TPST1: variants seen among roughly 807,000 people sequenced by gnomAD.
The protein encoded by TPST1 is tyrosylprotein sulfotransferase 1.
A neutral mutation model predicts 34.8 loss-of-function variants in TPST1; 20 were observed. That is an observed-to-expected ratio of 0.57 (90% CI 0.40 to 0.84). The LOEUF is 0.84. Among genes scored for constraint, TPST1 ranks in the 40% least tolerant of loss-of-function variants. The probability of loss-of-function intolerance (pLI) is 0.00; values close to 1 mark genes in which losing one functional copy is unlikely to be tolerated. For synonymous variants in TPST1, 152 were observed against 159.4 expected (o/e 0.95, Z 0.35); for missense variants, 353 against 455.5 (o/e 0.78, Z 2.05).
chr7:66,308,462 C>CTT (rs927282129), intron 3 of TPST1, among the ~76,000 whole-genome samples: 1 of 152,166 alleles, frequency 6.6e-6, no homozygotes, highest in Non-Finnish European at 1.5e-5. Flanking sequence ...TGAGGTATGG[C>CTT]TTTAGTATGC....
intron 1 of TPST1, among the ~76,000 whole-genome samples, chr7:66,233,823 C>T (rs1174516151): frequency 1.3e-5 from 2 of 152,152 alleles, no homozygotes; most frequent in East Asian, 1.9e-4. Context: ...CCCACTTTCC[C>T]TCTTGGTCAC....
At chr7:66,310,784 T>C (rs1035703126) in intron 3 of TPST1, among the ~76,000 whole-genome samples, 1 of 151,708 alleles carries the variant, frequency 6.6e-6, no homozygotes, top group Non-Finnish European at 1.5e-5. Flanking sequence ...ACTTTATTTC[T>C]TGTGCCTAAA....
intron 3 of TPST1, among the ~76,000 whole-genome samples, chr7:66,293,977 T>G (rs1791140699): frequency 6.6e-6 from 1 of 152,196 alleles, no homozygotes; most frequent in Non-Finnish European, 1.5e-5. Flanking sequence ...ACCAGTTGAG[T>G]CTATTTCAAA....
At chr7:66,358,177 CAGAG>C (rs1278297046) in intron 5 of TPST1, among the ~76,000 whole-genome samples, 11 of 151,794 alleles carry the variant, frequency 7.2e-5, no homozygotes, top group Admixed American at 4.6e-4. Context: ...AGCCAGGAGG[CAGAG>C]AGGTTGCAGT....
At chr7:66,214,819 A>G (rs1789354132) in intron 1 of TPST1, among the ~76,000 whole-genome samples, 1 of 149,716 alleles carries the variant, frequency 6.7e-6, no homozygotes, top group Non-Finnish European at 1.5e-5. Context: ...AAAAGCCACC[A>G]ACAAAAATAT....
chr7:66,200,723 G>T (rs1289616949), upstream of TPST1, among the ~76,000 whole-genome samples: 1 of 151,548 alleles, frequency 6.6e-6, no homozygotes, highest in African/African-American at 2.4e-5. Context: ...CCCGACCGAG[G>T]TTATCTTTTT....
At chr7:66,341,987 T>TA (rs1054226051) in intron 3 of TPST1, among the ~76,000 whole-genome samples, 6 of 152,014 alleles carry the variant, frequency 3.9e-5, no homozygotes, top group Non-Finnish European at 5.9e-5. Flanking sequence ...AGAGATGACT[T>TA]AGAGAGAAAA....
chr7:66,211,905 G>T (rs756120561), intron 1 of TPST1, among the ~76,000 whole-genome samples: 1 of 152,142 alleles, frequency 6.6e-6, no homozygotes, highest in Non-Finnish European at 1.5e-5. Flanking sequence ...GGCGGAGGTC[G>T]CAGTGAGCCA....
At chr7:66,212,506 C>T (rs1789284962) in intron 1 of TPST1, among the ~76,000 whole-genome samples, 1 of 149,852 alleles carries the variant, frequency 6.7e-6, no homozygotes, top group Admixed American at 6.7e-5. Context: ...GTCGCCCAGG[C>T]TGGAGTGCAA....
rs766470074 is a variant in TPST1, at chr7:66,240,927, A to T, written c.502A>T (p.Thr168Ser). The change falls in exon 2 of 6, where the codon ACT (threonine) becomes TCT (serine). Residue 168 changes from threonine to serine, a missense_variant. Coordinates refer to ENST00000304842, the MANE Select transcript of TPST1 (RefSeq NM_003596.4). ...NKDPFALKSL[T>S]YLSRLFPNAK... ...AGATCCTTTTGCCCTGAAATCTTTA[A>T]CTTACCTTTCTAGGTTATTCCCCAA... The T allele has an allele frequency of 9.3e-6, 15 of 1,614,162 alleles. No individual in the cohort carries two copies. The highest frequency in any genetic ancestry group is 1.1e-5 in the Non-Finnish European group (13 of 1,180,024).
intron 3 of TPST1, among the ~76,000 whole-genome samples, chr7:66,327,010 A>G (rs918856754): frequency 6.6e-6 from 1 of 152,168 alleles, no homozygotes; most frequent in African/African-American, 2.4e-5. Context: ...GTTTTACAGT[A>G]TTTGTGTTTT....
chr7:66,282,874 T>C (rs925628825), intron 2 of TPST1, among the ~76,000 whole-genome samples: 1 of 152,228 alleles, frequency 6.6e-6, no homozygotes, highest in African/African-American at 2.4e-5. Flanking sequence ...TTGAACCCGA[T>C]AAGTGCAACA....
rs996703151 is a variant in TPST1 at position 66,332,140 on chromosome 7, T to G, written c.1045-20365T>G. 1.5e-5 allele frequency among the ~76,000 whole-genome samples: 2 copies of G among 129,928 alleles called. No homozygotes were observed. Among genetic ancestry groups the G allele is most frequent in the Non-Finnish European group, 3.2e-5 (2 of 62,242 alleles). The allele number at this position is 129,928 out of a possible 152,430, so 85.2% of individuals were successfully genotyped here. On this transcript the variant is annotated intron_variant, in intron 3 of 5. Coordinates refer to ENST00000304842, the MANE Select transcript of TPST1 (RefSeq NM_003596.4). This position sits in a 1 kb window ranked among gnomAD's most constrained non-coding sequence, Gnocchi z 4.5. ...ATCCGGAAACCATCCCCTCTGCTGG[T>G]CCATGGAAAGATTGTTTTTCACAAA... is the stretch of plus-strand genomic sequence containing the variant.
At chr7:66,203,704 C>T (rs1350646751), upstream of TPST1, among the ~76,000 whole-genome samples, 1 of 151,098 alleles carries the variant, frequency 6.6e-6, no homozygotes, top group Non-Finnish European at 1.5e-5. Flanking sequence ...CCAGGATGGT[C>T]TCGATCTCCT....
chr7:66,264,834 GACAA>G (rs1443324858), intron 2 of TPST1, among the ~76,000 whole-genome samples: 6 of 152,070 alleles, frequency 3.9e-5, no homozygotes, highest in Admixed American at 3.9e-4. Flanking sequence ...AGAATTTCTA[GACAA>G]ACACTTTATA....
rs71051352 is a variant in TPST1, at chr7:66,347,059, C to CTTTTTTTTTTTTTTTTTTTTTTTT, written c.1045-5443_1045-5420dup. 3.3e-5 allele frequency among the ~76,000 whole-genome samples: 2 copies of CTTTTTTTTTTTTTTTTTTTTTTTT among 59,972 alleles called. 1 individual carries two copies. The highest frequency in any genetic ancestry group is 5.8e-5 in the Non-Finnish European group (2 of 34,230). The allele number at this position is 59,972 out of a possible 152,430, so 39.3% of individuals were successfully genotyped here. Reference sequence around the variant, plus strand: ...TTTCTTCTTTTTTTCCTTTGCTTTTCTTTTTTTTTTTTTTTTTTTTTTTTT... The same window carrying CTTTTTTTTTTTTTTTTTTTTTTTT: ...TTTCTTCTTTTTTTCCTTTGCTTTTCTTTTTTTTTTTTTTTTTTTTTTTTTTTTTTTTTTTTTTTTTTTTTTTTT... On this transcript the variant is annotated intron_variant, in intron 3 of 5. Transcript: ENST00000304842.
chr7:66,276,632 T>C (rs1267309674), intron 2 of TPST1, among the ~76,000 whole-genome samples: 1 of 151,984 alleles, frequency 6.6e-6, no homozygotes, highest in Non-Finnish European at 1.5e-5. Context: ...GATTCTCTTG[T>C]ATTTATTAAC....
chr7:66,294,718 A>G (rs1308857559), intron 3 of TPST1, among the ~76,000 whole-genome samples: 1 of 151,962 alleles, frequency 6.6e-6, no homozygotes, highest in Non-Finnish European at 1.5e-5. Flanking sequence ...ACATACACAT[A>G]TTATTCTTTT....
intron 3 of TPST1, among the ~76,000 whole-genome samples, chr7:66,343,344 G>C (rs907265130): frequency 5.9e-5 from 9 of 152,158 alleles, no homozygotes; most frequent in Admixed American, 5.9e-4. Flanking sequence ...ATAAGTGGGA[G>C]CTAGACATTG....
Sources: gnomAD v4.1 joint callset for allele counts (sites outside exome capture counted in the v4.1 genomes callset) on GRCh38, gnomAD v4.1.1 for gene constraint, Gnocchi (gnomAD v3.1) non-coding constraint, MANE v1.5 for transcripts, NCBI Gene and HGNC (gene_info 2026-07-23, HGNC 2026-07-21) for gene names.